The following SP110 variants were observed in gnomAD, a reference collection of about 807,000 sequenced individuals.
SP110 encodes the protein SP110 nuclear body protein.
Under a neutral mutation model 92.7 loss-of-function variants are expected in SP110, and 62 were observed. The ratio of observed to expected loss-of-function variants is 0.67; its 90% CI spans 0.55 to 0.83. SP110 has a LOEUF of 0.83. Among genes scored for constraint, SP110 ranks in the 40% least tolerant of loss-of-function variants. The pLI is 0.00. For synonymous variants in SP110, 273 were observed against 305.3 expected, an observed-to-expected ratio of 0.89 and a Z score of 1.10; for missense variants, 793 against 863.9, an observed-to-expected ratio of 0.92 and a Z score of 1.03.
rs191939907 is a variant in SP110 at position 230,165,962 on chromosome 2, C to T, written c.*3162G>A. On this transcript the variant is annotated 3_prime_UTR_variant, in exon 19 of 19. Transcript: ENST00000258381. ...AGGCTGGAGTGCAGTGGTGGGATCTCGGCTCACTGCAACCTCCACCTCCCG... is the reference window on the plus strand; with the variant it reads ...AGGCTGGAGTGCAGTGGTGGGATCTTGGCTCACTGCAACCTCCACCTCCCG... 2.9e-3 allele frequency among the ~76,000 whole-genome samples: 426 copies of T among 147,776 alleles called. 1 individual carries two copies. The highest frequency in any genetic ancestry group is 0.01 in the African/African-American group (411 of 39,924).
intron 7 of SP110, among the ~76,000 whole-genome samples, chr2:230,209,156 C>G (rs897874650): frequency 6.6e-6 from 1 of 151,922 alleles, no homozygotes; most frequent in African/African-American, 2.4e-5. Flanking sequence ...GGACAGGTAT[C>G]AAAAAAGGAA....
intron 17 of SP110, chr2:230,171,011 G>A (rs765272933): frequency 8.7e-6 from 5 of 571,936 alleles, no homozygotes; most frequent in Non-Finnish European, 1.6e-5. Flanking sequence ...CCGAGGGATG[G>A]AGAGGTCAAG....
intron 15 of SP110, 42 bp from the exon 16 acceptor site, chr2:230,172,216 G>A: frequency 8.0e-7 from 1 of 1,242,698 alleles, no homozygotes; most frequent in South Asian, 1.2e-5. Flanking sequence ...CAAAGCCCCT[G>A]GAAATGGCCA....
chr2:230,201,456 C>CT (rs1370516911), intron 9 of SP110, among the ~76,000 whole-genome samples: 2 of 152,166 alleles, frequency 1.3e-5, no homozygotes, highest in Non-Finnish European at 2.9e-5. Context: ...TCACTGCATC[C>CT]TTTATTGCCA....
In SP110 at chr2:230,172,046, G is replaced by A. The variant is rs199946971; in HGVS notation, c.1815+20C>T. ...TGTGAGAAGGGAAAAGTATAGGTTT[G>A]GGGTTTGCATCCAACTCACCAGCTG... On this transcript the variant is annotated intron_variant, in intron 16 of 18. Transcript: ENST00000258381. 118 of 1,397,734 alleles carry A rather than the reference G, an allele frequency of 8.4e-5. 1 individual carries two copies. The East Asian group carries it at 1.9e-3, about 23-fold the overall frequency. The allele number at this position is 1,397,734 out of a possible 1,614,324, so 86.6% of individuals were successfully genotyped here.
chr2:230,196,822 A>C (rs1430464980), intron 10 of SP110, among the ~76,000 whole-genome samples: 1 of 151,730 alleles, frequency 6.6e-6, no homozygotes, highest in Non-Finnish European at 1.5e-5. Context: ...AATAGTTTGC[A>C]GAGAATGATG....
At chr2:230,185,500 A>G (rs1004854067) in intron 11 of SP110, among the ~76,000 whole-genome samples, 5 of 152,240 alleles carry the variant, frequency 3.3e-5, no homozygotes, top group Non-Finnish European at 7.3e-5. Context: ...GTGGAGGGAA[A>G]GGGTGTCTGT....
In SP110 at chr2:230,184,263, T is replaced by C. The variant is rs73100027; in HGVS notation, c.1280-623A>G. Reference sequence around the variant, plus strand: ...TGAAATCATGGATCAAAAAACTGCTTATAAAGGGGGGCTACTGTATGGCCT... The same window carrying C: ...TGAAATCATGGATCAAAAAACTGCTCATAAAGGGGGGCTACTGTATGGCCT... On this transcript the variant is annotated intron_variant, in intron 11 of 18. Transcript: ENST00000258381. 7.5e-3 allele frequency among the ~76,000 whole-genome samples: 1,146 copies of C among 152,324 alleles called. 10 individuals are homozygous for C. Among genetic ancestry groups the C allele is most frequent in the African/African-American group, 0.026 (1,079 of 41,564 alleles).
chr2:230,214,898 T>G, intron 3 of SP110, 52 bp downstream of exon 3: 7 of 1,515,568 alleles, frequency 4.6e-6, no homozygotes, highest in Non-Finnish European at 6.4e-6. Context: ...AAACCCAGAC[T>G]TTTACCATAG....
chr2:230,192,433 A>C (rs1050417726), intron 10 of SP110, among the ~76,000 whole-genome samples: 2 of 152,240 alleles, frequency 1.3e-5, no homozygotes, highest in African/African-American at 4.8e-5. Context: ...CAACTTCAAC[A>C]AAGTCTCAGG....
Position 230,212,317 on chromosome 2 carries a change from C to A in SP110, c.667+30G>T, listed in dbSNP as rs200043788. The A allele has an allele frequency of 4.6e-6, 7 of 1,533,176 alleles. No individual in the cohort carries two copies. In the East Asian group the frequency reaches 1.1e-4, roughly 25 times the overall value. 95.0% of individuals were successfully genotyped at this position (1,533,176 alleles called of 1,614,324 possible). Reference sequence around the variant, plus strand: ...GTTCTCCCTTCACAGTCACCTTGAGCTAAGCGGTATCAGCCCCAGTCAGTG... The same window carrying A: ...GTTCTCCCTTCACAGTCACCTTGAGATAAGCGGTATCAGCCCCAGTCAGTG... On this transcript the variant is annotated intron_variant, in intron 5 of 18. Transcript: ENST00000258381.
intron 7 of SP110, among the ~76,000 whole-genome samples, chr2:230,209,441 T>G (rs1417305926): frequency 6.6e-6 from 1 of 151,868 alleles, no homozygotes; most frequent in Non-Finnish European, 1.5e-5. Flanking sequence ...TGATGATGAG[T>G]GAGTGAACAT....
chr2:230,190,303 A>G (rs1227925393), intron 10 of SP110, among the ~76,000 whole-genome samples: 2 of 151,982 alleles, frequency 1.3e-5, no homozygotes, highest in East Asian at 3.9e-4. Flanking sequence ...TCTGATGATC[A>G]GTGATGTTGA....
chr2:230,184,505 G>T (rs879746233), intron 11 of SP110, among the ~76,000 whole-genome samples: 17 of 152,162 alleles, frequency 1.1e-4, no homozygotes, highest in Non-Finnish European at 2.5e-4. Context: ...CCGAAGCAAA[G>T]AATTATTCAG....
intron 10 of SP110, among the ~76,000 whole-genome samples, chr2:230,195,309 C>T (rs1049543536): frequency 6.6e-6 from 1 of 152,076 alleles, no homozygotes; most frequent in African/African-American, 2.4e-5. Flanking sequence ...CAGGAATATA[C>T]TAGAGGACTA....
intron 18 of SP110, 53 bp downstream of exon 18, chr2:230,170,568 A>G: frequency 6.2e-7 from 1 of 1,609,278 alleles, no homozygotes; most frequent in Non-Finnish European, 8.5e-7. Context: ...GCTGTCCCAG[A>G]AATTAGGGGA....
At chr2:230,189,612 C>T (rs184442797) in intron 10 of SP110, among the ~76,000 whole-genome samples, 156 of 152,202 alleles carry the variant, frequency 1.0e-3, no homozygotes, top group Non-Finnish European at 2.0e-3. Context: ...ACGTGCAGAA[C>T]ATGCAGGTTT....
At chr2:230,187,504 CATTT>C (rs1321120038) in intron 10 of SP110, among the ~76,000 whole-genome samples, 1 of 152,042 alleles carries the variant, frequency 6.6e-6, no homozygotes, top group African/African-American at 2.4e-5. Context: ...AATTAAGTCC[CATTT>C]ATTTATTTTT....
intron 12 of SP110, among the ~76,000 whole-genome samples, chr2:230,182,601 C>A (rs564409597): frequency 6.6e-6 from 1 of 152,152 alleles, no homozygotes; most frequent in African/African-American, 2.4e-5. Flanking sequence ...TGGGAGCATT[C>A]GGTATCTGGT....
Sources: allele counts gnomAD v4.1 joint callset (sites outside exome capture counted in the v4.1 genomes callset), GRCh38; gene constraint gnomAD v4.1.1; transcripts MANE v1.5; gene names NCBI Gene and HGNC (gene_info 2026-07-23, HGNC 2026-07-21).